Variants in WDR87 observed in about 807,000 individuals in gnomAD.
WDR87 encodes WD repeat domain 87, also known as WD repeat-containing protein 87.
Under a neutral mutation model 83.3 loss-of-function variants are expected in WDR87, and 56 were observed. The observed-to-expected ratio is 0.67, with a 90% CI of 0.54 to 0.84. WDR87 has a LOEUF of 0.84. WDR87 is among the 40% of genes least tolerant of loss of function. The pLI is 0.00. For synonymous variants in WDR87, 1,173 were observed against 1,250.6 expected, an observed-to-expected ratio of 0.94 and a Z score of 1.31; for missense variants, 2,939 against 3,431.9, an observed-to-expected ratio of 0.86 and a Z score of 3.59.
rs1198312419 is a variant in WDR87, at chr19:37,885,292, G to C, written c.8379C>G (p.Phe2793Leu). The change falls in exon 6 of 6, where the codon TTC becomes TTG. Residue 2793 changes from phenylalanine to leucine, a missense_variant. Around this residue, in one of 3 missense-constraint regions of WDR87, gnomAD observed 2,160 missense variants for 2,533.1 expected, o/e 0.85. Coordinates refer to ENST00000447313, the MANE Select transcript of WDR87 (RefSeq NM_001291088.2). ...PKDSTAWMEQ[F>L]YQLMDLYQLK... ...GTTGGTACAGGTCCATGAGCTGGTAGAACTGTTCCATCCAAGCAGTGCTGT... is the reference window on the plus strand; with the variant it reads ...GTTGGTACAGGTCCATGAGCTGGTACAACTGTTCCATCCAAGCAGTGCTGT... 1.3e-6 allele frequency: 2 copies of C among 1,548,690 alleles called. No individual in the cohort carries two copies. The highest frequency in any genetic ancestry group is 2.7e-5 in the African/African-American group (2 of 72,908).
At chr19:37,902,010 C>G (rs575676029) in intron 1 of WDR87, among the ~76,000 whole-genome samples, 1 of 144,188 alleles carries the variant, frequency 6.9e-6, no homozygotes, top group Non-Finnish European at 1.5e-5. Context: ...GACACTGCAC[C>G]TGGCCCTCTA....
rs1274544799 is a variant in WDR87, at chr19:37,886,086, T to C, written c.7585A>G (p.Lys2529Glu). 1.9e-6 allele frequency: 3 copies of C among 1,551,588 alleles called. No individual in the cohort carries two copies. The highest frequency in any genetic ancestry group is 1.7e-6 in the Non-Finnish European group (2 of 1,147,002). Residue 2529 changes from lysine (K) to glutamate (E), a missense_variant, in exon 6 of 6, where the codon AAG (lysine) becomes GAG (glutamate). Lys to Glu is a moderately conservative substitution (Grantham distance 56). Coordinates refer to ENST00000447313, the MANE Select transcript of WDR87 (RefSeq NM_001291088.2). ...LQHKPLGAWW[K>E]WFLQHPPLMG... ...AGAGGTGGATGCTGCAAAAACCACT[T>C]CCACCAGGCACCTAGTGGTTTGTGT...
At chr19:37,904,697 G>A (rs1372149492) in intron 1 of WDR87, among the ~76,000 whole-genome samples, 1 of 152,146 alleles carries the variant, frequency 6.6e-6, no homozygotes, top group African/African-American at 2.4e-5. Flanking sequence ...TATATACACT[G>A]TTATTCACTT....
Position 37,892,622 on chromosome 19 carries a change from T to G in WDR87, c.3081A>C (p.Ser1027=), listed in dbSNP as rs186740804. The change falls in exon 4 of 6, where the codon TCA becomes TCC. Residue 1027 remains serine (S), a synonymous_variant. Coordinates refer to ENST00000447313, the MANE Select transcript of WDR87 (RefSeq NM_001291088.2). ...MAEIGIHSRT[S]LLQLTQKQET... ...CTTGTTTTTGGGTCAGCTGTAAGAG[T>G]GAGGTCCTAGAGTGGATTCCAATCT... 1.6e-5 allele frequency: 24 copies of G among 1,526,840 alleles called. No homozygotes were observed. Among genetic ancestry groups the G allele is most frequent in the Non-Finnish European group, 2.0e-5 (23 of 1,129,814 alleles). 94.6% of individuals were successfully genotyped at this position (1,526,840 alleles called of 1,614,324 possible).
In WDR87 at chr19:37,888,747, C is replaced by A. The variant is rs1213140304; in HGVS notation, c.4924G>T (p.Ala1642Ser). The stretch of plus-strand genomic sequence containing the variant: ...TGGGCCAACTGTCTCTCTTCTTGTG[C>A]AAGTTTCTCTTCTTCTTGTGCTAAT... ...RKLAQEEEKL[A>S]QEERQLAQEE... Residue 1642 changes from alanine to serine, a missense_variant, in exon 6 of 6, where the codon GCA becomes TCA. Around this residue, in one of 3 missense-constraint regions of WDR87, gnomAD observed 2,160 missense variants for 2,533.1 expected, o/e 0.85. Coordinates refer to ENST00000447313, the MANE Select transcript of WDR87 (RefSeq NM_001291088.2). 1 of 1,551,896 alleles carries A rather than the reference C, an allele frequency of 6.4e-7. No individual in the cohort carries two copies. Among genetic ancestry groups the A allele is most frequent in the Non-Finnish European group, 8.7e-7 (1 of 1,147,074 alleles).
rs545937452 is a variant in WDR87 at position 37,884,828 on chromosome 19, C to CA, written c.*103dup. The CA allele has an allele frequency of 0.14, 121,889 of 846,348 alleles. 379 individuals are homozygous for CA. Among genetic ancestry groups the CA allele is most frequent in the East Asian group, 0.2 (5,117 of 25,152 alleles). The allele number at this position is 846,348 out of a possible 1,614,324, so 52.4% of individuals were successfully genotyped here. Reference sequence around the variant, plus strand: ...GGGCAATAAGAGTGAAACACCGTCTCAAAAAAAAAAAAAAGAGAGAGAGAG... The same window carrying CA: ...GGGCAATAAGAGTGAAACACCGTCTCAAAAAAAAAAAAAAAGAGAGAGAGAG... On this transcript the variant is annotated 3_prime_UTR_variant, in exon 6 of 6. Transcript: ENST00000447313.
Position 37,889,037 on chromosome 19 carries a change from T to A in WDR87, c.4634A>T (p.Glu1545Val), listed in dbSNP as rs750339300. The change falls in exon 6 of 6, where the codon GAG becomes GTG. Residue 1545 changes from glutamate to valine, a missense_variant. Glu to Val is a moderately radical substitution (Grantham distance 121). This residue lies in a region of WDR87 where 2,160 missense variants were observed against 2,533.1 expected (regional missense o/e 0.85). Coordinates refer to ENST00000447313, the MANE Select transcript of WDR87 (RefSeq NM_001291088.2). Reference protein sequence around the residue: ...LHQAGEKLSPEEEMLQEDKKL... With the variant: ...LHQAGEKLSPVEEMLQEDKKL... ...CTTGTCCTCCTGAAGCATTTCCTCC[T>A]CCGGGGATAGCTTCTCTCCAGCCTG... 2.6e-5 allele frequency: 40 copies of A among 1,551,964 alleles called. No homozygotes were observed. The highest frequency in any genetic ancestry group is 1.3e-5 in the Non-Finnish European group (15 of 1,147,090).
In WDR87 at chr19:37,893,199, G is replaced by A. The variant is rs776740026; in HGVS notation, c.2504C>T (p.Pro835Leu). Reference sequence around the variant, plus strand: ...CTGTAGGTATATTGGGGTGCCCTCTGGCCAAAGACGGGCACGAATCACTGA... The same window carrying A: ...CTGTAGGTATATTGGGGTGCCCTCTAGCCAAAGACGGGCACGAATCACTGA... Reference protein sequence around the residue: ...PNSVIRARLWPEGTPIYLQCN... With the variant: ...PNSVIRARLWLEGTPIYLQCN... The change falls in exon 4 of 6, where the codon CCA (proline) becomes CTA (leucine). Residue 835 changes from proline to leucine, a missense_variant. This residue lies in a region of WDR87 where 2,160 missense variants were observed against 2,533.1 expected (regional missense o/e 0.85). Transcript: ENST00000447313. 3.9e-6 allele frequency: 6 copies of A among 1,551,894 alleles called. No homozygotes were observed. In the South Asian group the frequency reaches 7.1e-5, roughly 18 times the overall value.
chr19:37,895,169 C>A lies in WDR87; in HGVS notation c.534G>T (p.Glu178Asp). The A allele has an allele frequency of 1.3e-6, 2 of 1,551,748 alleles. No homozygotes were observed. The highest frequency in any genetic ancestry group is 2.4e-5 in the South Asian group (2 of 84,066). Residue 178 changes from glutamate to aspartate, a missense_variant, in exon 4 of 6, where the codon GAG becomes GAT. Glu to Asp is a conservative substitution (Grantham distance 45). Transcript: ENST00000447313. ...ILGAVVTWVIELGGTGLQIAH... is the reference protein window; with the variant it reads ...ILGAVVTWVIDLGGTGLQIAH... ...CTATTTGGAGGCCCGTGCCACCTAG[C>A]TCAATGACCCAGGTCACCACTGCCC...
At chr19:37,901,026 C>T (rs1343763890) in intron 1 of WDR87, among the ~76,000 whole-genome samples, 1 of 147,292 alleles carries the variant, frequency 6.8e-6, no homozygotes, top group Non-Finnish European at 1.5e-5. Flanking sequence ...GTGGTCCTAG[C>T]TATTTGGGAG....
In WDR87 at chr19:37,892,923, T is replaced by C; in HGVS notation, c.2780A>G (p.Asn927Ser). 9.0e-6 allele frequency: 14 copies of C among 1,552,124 alleles called. No homozygotes were observed. The highest frequency in any genetic ancestry group is 1.2e-5 in the Non-Finnish European group (14 of 1,147,086). Residue 927 changes from asparagine (N) to serine (S), a missense_variant, in exon 4 of 6, where the codon AAT becomes AGT. Asn to Ser is a conservative substitution (Grantham distance 46, BLOSUM62 1). This residue lies in a region of WDR87 where 2,160 missense variants were observed against 2,533.1 expected (regional missense o/e 0.85). Transcript: ENST00000447313. ...CAGCAAGGAAGCATGGACCATAATA[T>C]TGAGCATTGTCTCAATCATGCTATT... ...TINSMIETML[N>S]IMVHASLLKY...
In WDR87 at chr19:37,892,855, A is replaced by C. The variant is rs1568452868; in HGVS notation, c.2848T>G (p.Ser950Ala). 6.4e-7 allele frequency: 1 copy of C among 1,551,890 alleles called. No individual in the cohort carries two copies. Among genetic ancestry groups the C allele is most frequent in the African/African-American group, 1.4e-5 (1 of 73,176 alleles). Residue 950 changes from serine to alanine, a missense_variant, in exon 4 of 6, where the codon TCT becomes GCT. Around this residue, in one of 3 missense-constraint regions of WDR87, gnomAD observed 2,160 missense variants for 2,533.1 expected, o/e 0.85. Transcript: ENST00000447313. Reference sequence around the variant, plus strand: ...CGTAGGGCTGGGGACACCTGGTAAGAGGCAAAGATTTGCCCTAGTGCACCA... The same window carrying C: ...CGTAGGGCTGGGGACACCTGGTAAGCGGCAAAGATTTGCCCTAGTGCACCA... ...CVGALGQIFA[S>A]YQVSPALRSE...
At chr19:37,906,164 G>A (rs934039670) in intron 1 of WDR87, among the ~76,000 whole-genome samples, 1 of 152,168 alleles carries the variant, frequency 6.6e-6, no homozygotes, top group African/African-American at 2.4e-5. Context: ...TCTTATGGAG[G>A]AGTGGCAATA....
rs1404733590 is a variant in WDR87 at position 37,885,397 on chromosome 19, T to G, written c.8274A>C (p.Lys2758Asn). 6.4e-7 allele frequency: 1 copy of G among 1,551,772 alleles called. No homozygotes were observed. Among genetic ancestry groups the G allele is most frequent in the Non-Finnish European group, 8.7e-7 (1 of 1,147,036 alleles). Residue 2758 changes from lysine to asparagine, a missense_variant, in exon 6 of 6, where the codon AAA becomes AAC. This residue lies in a region of WDR87 where 2,160 missense variants were observed against 2,533.1 expected (regional missense o/e 0.85). Transcript: ENST00000447313. Reference sequence around the variant, plus strand: ...TCTCCCACAAAGGCAACTCTTCCTTTTTTTTAGAAATGGGCTGTGTCTTCT... The same window carrying G: ...TCTCCCACAAAGGCAACTCTTCCTTGTTTTTAGAAATGGGCTGTGTCTTCT... ...LEKKTQPISKKKEELPLWETF... is the reference protein window; with the variant it reads ...LEKKTQPISKNKEELPLWETF...
chr19:37,892,241 C>T (rs1319007475), intron 4 of WDR87, among the ~76,000 whole-genome samples: 1 of 152,016 alleles, frequency 6.6e-6, no homozygotes, highest in Non-Finnish European at 1.5e-5. Flanking sequence ...AACAATTAGC[C>T]AGTGTGGTGG....
In WDR87 at chr19:37,889,849, G is replaced by A. The variant is rs180684844; in HGVS notation, c.3822C>T (p.Thr1274=). The change falls in exon 6 of 6, where the codon ACC becomes ACT. Residue 1274 remains threonine, a synonymous_variant. Coordinates refer to ENST00000447313, the MANE Select transcript of WDR87 (RefSeq NM_001291088.2). ...CCCTCCATGATGAGCCATCTCCAGC[G>A]GTTGACCTGCGGCCAGATATTCCAG... is the stretch of plus-strand genomic sequence containing the variant. ...GASGISGRRS[T]AGDGSSWRDD... 37 of 1,551,754 alleles carry A rather than the reference G, an allele frequency of 2.4e-5. No individual in the cohort carries two copies. Among genetic ancestry groups the A allele is most frequent in the South Asian group, 1.4e-4 (12 of 84,058 alleles).
chr19:37,894,585 C>T lies in WDR87; in HGVS notation c.1118G>A (p.Cys373Tyr). The change falls in exon 4 of 6, where the codon TGT becomes TAT. Residue 373 changes from cysteine (C) to tyrosine (Y), a missense_variant. Cys to Tyr is a radical substitution (Grantham distance 194). Coordinates refer to ENST00000447313, the MANE Select transcript of WDR87 (RefSeq NM_001291088.2). ...SAPQQLRRVCCGNNWFRILCT... is the reference protein window; with the variant it reads ...SAPQQLRRVCYGNNWFRILCT... ...CAGGATCCGGAACCAGTTATTTCCACAGCAGACCCGACGCAACTGCTGGGG... is the reference window on the plus strand; with the variant it reads ...CAGGATCCGGAACCAGTTATTTCCATAGCAGACCCGACGCAACTGCTGGGG... The T allele has an allele frequency of 3.9e-6, 6 of 1,551,734 alleles. No homozygotes were observed. Among genetic ancestry groups the T allele is most frequent in the African/African-American group, 1.4e-5 (1 of 73,168 alleles).
chr19:37,892,206 A>T (rs1005527005), intron 4 of WDR87, among the ~76,000 whole-genome samples: 1 of 152,180 alleles, frequency 6.6e-6, no homozygotes, highest in Non-Finnish European at 1.5e-5. Context: ...CAGCCTGGGC[A>T]ATATAGTGAG....
chr19:37,892,381 C>T (rs2046213170), intron 4 of WDR87, among the ~76,000 whole-genome samples, 197 bp downstream of exon 4: 1 of 151,726 alleles, frequency 6.6e-6, no homozygotes, highest in African/African-American at 2.4e-5. Context: ...AAGACCCTGT[C>T]TCAAAAAAAG....
Sources: gnomAD v4.1 joint callset for allele counts (sites outside exome capture counted in the v4.1 genomes callset) on GRCh38, gnomAD v4.1.1 for gene constraint, gnomAD v4.1.1 regional missense constraint, MANE v1.5 for transcripts, NCBI Gene and HGNC (gene_info 2026-07-23, HGNC 2026-07-21) for gene names.